The following ZNF98 variants were observed in gnomAD, a reference collection of about 807,000 sequenced individuals.
ZNF98 encodes the protein zinc finger protein 98.
ZNF98 carries 8 observed loss-of-function variants against 12.8 expected under a neutral mutation model. The observed-to-expected ratio is 0.63, with a 90% CI of 0.37 to 1.13. The LOEUF (loss-of-function observed/expected upper bound fraction) is 1.13, where lower values mean the gene tolerates loss of function less well. Among genes scored for constraint, ZNF98 ranks in the 50% most tolerant of loss-of-function variants. ZNF98 has a pLI of 0.01. For missense variants in ZNF98, 379 were observed against 666.1 expected, an observed-to-expected ratio of 0.57 and a Z score of 4.74; for synonymous variants, 112 against 223.5, an observed-to-expected ratio of 0.50 and a Z score of 4.45.
chr19:22,407,436 G>T (rs1034153710), intron 1 of ZNF98, among the ~76,000 whole-genome samples: 1 of 149,342 alleles, frequency 6.7e-6, no homozygotes, highest in Non-Finnish European at 1.5e-5. Context: ...TTTCTCGGCT[G>T]GGCACGGTGG....
chr19:22,416,993 G>A (rs1255151519), intron 1 of ZNF98, among the ~76,000 whole-genome samples: 1 of 152,156 alleles, frequency 6.6e-6, no homozygotes, highest in Non-Finnish European at 1.5e-5. Context: ...ACTTTGGGAA[G>A]CCAAGGCAGG....
rs2145103920 is a variant in ZNF98 at position 22,391,097 on chromosome 19, G to A, written c.*419C>T. On this transcript the variant is annotated 3_prime_UTR_variant, in exon 4 of 4. Coordinates refer to ENST00000357774, the MANE Select transcript of ZNF98 (RefSeq NM_001098626.2). ...TTCTCTGATGTTGAACAAAGTTTGA[G>A]CAATTGCCTCAGGGTTTGCTCTAAT... 6.3e-6 allele frequency: 1 copy of A among 157,894 alleles called. No individual in the cohort carries two copies. Among genetic ancestry groups the A allele is most frequent in the Non-Finnish European group, 1.4e-5 (1 of 71,634 alleles). 9.8% of individuals were successfully genotyped at this position (157,894 alleles called of 1,614,324 possible).
In ZNF98 at chr19:22,400,974, C is replaced by CA. The variant is rs879230090; in HGVS notation, c.253+1814dup. On this transcript the variant is annotated intron_variant, in intron 3 of 3. Transcript: ENST00000357774. The stretch of plus-strand genomic sequence containing the variant: ...TCTCAAAAAACAAAACAAAACAAAA[C>CA]AAAAAAAAAACAAGAAAAACTTGAA... Among the ~76,000 whole-genome samples the CA allele has an allele frequency of 3.9e-3, 558 of 141,306 alleles. 4 individuals are homozygous for CA. Among genetic ancestry groups the CA allele is most frequent in the Non-Finnish European group, 6.3e-3 (405 of 64,504 alleles). 92.7% of individuals were successfully genotyped at this position (141,306 alleles called of 152,430 possible). A position where few individuals can be genotyped will look rare whatever the true frequency, so the allele number is the denominator to read the frequency against.
Position 22,392,876 on chromosome 19 carries a change from A to T in ZNF98, c.359T>A (p.Leu120Ter). 6.2e-7 allele frequency: 1 copy of T among 1,608,034 alleles called. No individual in the cohort carries two copies. Among genetic ancestry groups the T allele is most frequent in the Non-Finnish European group, 8.5e-7 (1 of 1,178,210 alleles). ...GCTTTTACAGTATTTTCTTAACTGT[A>T]AATTTTCACGTCCACATTTTTTATA... ...RTYKKCGREN[L>*]QLRKYCKSMD... The change falls in exon 4 of 4, where the codon TTA becomes TAA. Residue 120 changes from leucine to a stop codon, truncating the protein, a stop_gained. Transcript: ENST00000357774. LOFTEE classifies it low-confidence loss of function (END_TRUNC).
At chr19:22,415,956 G>C (rs74612937) in intron 1 of ZNF98, among the ~76,000 whole-genome samples, 37 of 111,280 alleles carry the variant, frequency 3.3e-4, no homozygotes, top group South Asian at 7.2e-4. Flanking sequence ...AAAAACTACA[G>C]ACACACACAC....
At chr19:22,412,714 C>T (rs1347717505) in intron 1 of ZNF98, among the ~76,000 whole-genome samples, 2 of 151,682 alleles carry the variant, frequency 1.3e-5, no homozygotes, top group African/African-American at 2.4e-5. Context: ...AAAACCTAAC[C>T]GACTATGATC....
intron 3 of ZNF98, among the ~76,000 whole-genome samples, chr19:22,395,658 G>A (rs1341289863): frequency 6.6e-6 from 1 of 151,804 alleles, no homozygotes; most frequent in Admixed American, 6.6e-5. Context: ...ATGTAAAAAT[G>A]AAGTTCAACA....
intron 1 of ZNF98, among the ~76,000 whole-genome samples, chr19:22,412,848 C>T (rs994712230): frequency 2.6e-5 from 4 of 151,618 alleles, no homozygotes; most frequent in African/African-American, 7.3e-5. Flanking sequence ...GTCAGGAGAT[C>T]GAGACTATCC....
At chr19:22,409,432 T>G (rs552044828) in intron 1 of ZNF98, among the ~76,000 whole-genome samples, 2 of 151,862 alleles carry the variant, frequency 1.3e-5, no homozygotes, top group African/African-American at 4.8e-5. Context: ...AAGCCAAAAT[T>G]GAAGAATAAG....
intron 1 of ZNF98, among the ~76,000 whole-genome samples, chr19:22,409,061 A>G (rs934249257): frequency 1.4e-4 from 21 of 152,192 alleles, no homozygotes; most frequent in African/African-American, 5.1e-4. Flanking sequence ...TACAATAACC[A>G]AAACAACATG....
At chr19:22,407,777 A>G (rs1969537948) in intron 1 of ZNF98, among the ~76,000 whole-genome samples, 2 of 149,608 alleles carry the variant, frequency 1.3e-5, no homozygotes, top group Non-Finnish European at 3.0e-5. Context: ...GCACATCAAA[A>G]AACATCCACC....
chr19:22,410,108 G>A (rs1311861367), intron 1 of ZNF98, among the ~76,000 whole-genome samples: 1 of 152,112 alleles, frequency 6.6e-6, no homozygotes, highest in African/African-American at 2.4e-5. Flanking sequence ...AACAATAGAT[G>A]CTGGTGAGGC....
At chr19:22,409,913 C>CAA (rs71180546) in intron 1 of ZNF98, among the ~76,000 whole-genome samples, 1,029 of 87,400 alleles carry the variant, frequency 0.012, 1 homozygote, top group East Asian at 0.013. Context: ...CTCTATCTCA[C>CAA]AAAAAAAAAA....
intron 1 of ZNF98, 106 bp downstream of exon 1, chr19:22,422,089 A>T: frequency 7.1e-7 from 1 of 1,408,238 alleles, no homozygotes; most frequent in Non-Finnish European, 1.0e-6. Context: ...AGGGGCACGG[A>T]TTGTGGAGCT....
In ZNF98 at chr19:22,396,522, TCAGA is replaced by T. The variant is rs1386368337; in HGVS notation, c.254-3545_254-3542del. ...TTAAAAATGTAACAGTCTGTCTTTA[TCAGA>T]CAGTTATTTAAATGTATATATAAAA... On this transcript the variant is annotated intron_variant, in intron 3 of 3. Coordinates refer to ENST00000357774, the MANE Select transcript of ZNF98 (RefSeq NM_001098626.2). 7.8e-3 allele frequency among the ~76,000 whole-genome samples: 1,188 copies of T among 152,280 alleles called. 14 individuals carry two copies. The highest frequency in any genetic ancestry group is 0.027 in the African/African-American group (1,103 of 41,558).
At chr19:22,400,314 A>G (rs1393539377) in intron 3 of ZNF98, among the ~76,000 whole-genome samples, 1 of 152,192 alleles carries the variant, frequency 6.6e-6, no homozygotes, top group African/African-American at 2.4e-5. Context: ...CTGCCTATGT[A>G]GAAACCCACA....
Position 22,402,788 on chromosome 19 carries a change from C to G in ZNF98, c.253+1G>C. On this transcript the variant is annotated splice_donor_variant, in intron 3 of 3. Coordinates refer to ENST00000357774, the MANE Select transcript of ZNF98 (RefSeq NM_001098626.2). LOFTEE classifies it high-confidence loss of function. Reference sequence around the variant, plus strand: ...TTGTATTCACTTTCACTCTCACCTACCTGGGGGTTCAGTTACCATCTCATG... The same window carrying G: ...TTGTATTCACTTTCACTCTCACCTAGCTGGGGGTTCAGTTACCATCTCATG... The G allele has an allele frequency of 6.3e-7, 1 of 1,584,638 alleles. No homozygotes were observed.
intron 3 of ZNF98, among the ~76,000 whole-genome samples, chr19:22,398,283 G>C (rs1969419529): frequency 6.6e-6 from 1 of 152,116 alleles, no homozygotes; most frequent in African/African-American, 2.4e-5. Flanking sequence ...GCCAGGAAAT[G>C]GGAAAAATTG....
intron 1 of ZNF98, among the ~76,000 whole-genome samples, chr19:22,408,596 C>T (rs1379641450): frequency 6.6e-6 from 1 of 152,162 alleles, no homozygotes; most frequent in Non-Finnish European, 1.5e-5. Context: ...TCAGCAAAGT[C>T]TCAGGATACA....
Sources: allele counts gnomAD v4.1 joint callset (sites outside exome capture counted in the v4.1 genomes callset), GRCh38; gene constraint gnomAD v4.1.1; transcripts MANE v1.5; gene names NCBI Gene and HGNC (gene_info 2026-07-23, HGNC 2026-07-21).